The following BRI3 variants were observed in gnomAD, a reference collection of about 807,000 sequenced individuals.
BRI3 encodes the protein membrane protein BRI3.
Under a neutral mutation model 12.8 loss-of-function variants are expected in BRI3, and 6 were observed. The ratio of observed to expected loss-of-function variants is 0.47; its 90% CI spans 0.26 to 0.93. The LOEUF (loss-of-function observed/expected upper bound fraction) is 0.93. BRI3 is among the 40% of genes least tolerant of loss of function. The pLI is 0.15. For missense variants in BRI3, 134 were observed against 171.1 expected, an observed-to-expected ratio of 0.78 and a Z score of 1.21; for synonymous variants, 91 against 76.1, an observed-to-expected ratio of 1.20 and a Z score of -1.02.
chr7:98,285,353 CA>C (rs1799676491), intron 2 of BRI3, among the ~76,000 whole-genome samples: 1 of 152,130 alleles, frequency 6.6e-6, no homozygotes. Context: ...CTTGGGCTTC[CA>C]GACGATGGAG....
At chr7:98,319,265 C>T in the BRI3 span, among the ~76,000 whole-genome samples, 1 of 152,108 alleles carries the variant, frequency 6.6e-6, no homozygotes, top group African/African-American at 2.4e-5. Flanking sequence ...TCTGTAGGGC[C>T]ACCCTGAAGG....
chr7:98,322,571 G>A, the BRI3 span, among the ~76,000 whole-genome samples: 1 of 152,168 alleles, frequency 6.6e-6, no homozygotes, highest in South Asian at 2.1e-4. Flanking sequence ...TCCCTGCCCA[G>A]GAGAGAAGGC....
the BRI3 span, chr7:98,317,366 A>T: frequency 5.6e-5 from 90 of 1,612,876 alleles, no homozygotes; most frequent in Non-Finnish European, 7.5e-5. Context: ...CCTGTAAGTT[A>T]AATGGCTGTG....
chr7:98,319,932 T>A, the BRI3 span: 11 of 774,952 alleles, frequency 1.4e-5, no homozygotes, highest in South Asian at 1.9e-4. Flanking sequence ...TTCATGCATC[T>A]GGGCATCATC....
At chr7:98,307,802 G>A in exon 2 of BRI3, 1 of 1,614,214 alleles carries the variant, frequency 6.2e-7, no homozygotes, top group Non-Finnish European at 8.5e-7. Flanking sequence ...AGCCCGCAGT[G>A]TGCGGGAAGA....
chr7:98,303,593 G>T (rs1800513853), upstream of BRI3, among the ~76,000 whole-genome samples: 1 of 152,204 alleles, frequency 6.6e-6, no homozygotes, highest in Non-Finnish European at 1.5e-5. Flanking sequence ...GTCCGGCCTT[G>T]TTCTCCTCTA....
chr7:98,295,038 C>T (rs1219085810), downstream of BRI3, among the ~76,000 whole-genome samples: 4 of 152,216 alleles, frequency 2.6e-5, no homozygotes, highest in African/African-American at 4.8e-5. Context: ...CAGCCTGTGG[C>T]CCGGCCACAC....
At chr7:98,311,583 C>G (rs1800871430), downstream of BRI3, among the ~76,000 whole-genome samples, 1 of 150,826 alleles carries the variant, frequency 6.6e-6, no homozygotes, top group South Asian at 2.1e-4. Flanking sequence ...GATAAAATTT[C>G]CAAAACAAAG....
exon 2 of BRI3, chr7:98,310,250 T>C (rs1260461129): frequency 1.8e-6 from 1 of 548,766 alleles, no homozygotes; most frequent in Admixed American, 4.1e-5. Context: ...ATGTATCACT[T>C]ATCAGAGCGT....
the BRI3 span, among the ~76,000 whole-genome samples, chr7:98,322,593 CGTGTGAAGTCACCAAGACATG>C: frequency 2.0e-5 from 3 of 152,176 alleles, no homozygotes; most frequent in Non-Finnish European, 4.4e-5. Flanking sequence ...TGGGGCATGG[CGTGTGAAGTCACCAAGACATG>C]TTCACCAGGT....
chr7:98,286,108 T>TG (rs1799703711), intron 2 of BRI3, among the ~76,000 whole-genome samples: 3 of 152,138 alleles, frequency 2.0e-5, no homozygotes, highest in African/African-American at 7.2e-5. Flanking sequence ...TGCTCGTGAC[T>TG]GGGGAGCCCA....
chr7:98,304,394 C>T (rs748284062), upstream of BRI3: 53 of 1,613,122 alleles, frequency 3.3e-5, no homozygotes, highest in Middle Eastern at 4.9e-4. Flanking sequence ...CCAAAAAGGA[C>T]ACAGCACGTG....
the BRI3 span, among the ~76,000 whole-genome samples, chr7:98,320,738 G>A: frequency 1.3e-5 from 2 of 152,208 alleles, no homozygotes; most frequent in African/African-American, 4.8e-5. Context: ...AGACACATCA[G>A]GAGCACAACA....
chr7:98,288,733 C>T (rs982417729), intron 2 of BRI3, among the ~76,000 whole-genome samples: 2 of 151,898 alleles, frequency 1.3e-5, no homozygotes, highest in African/African-American at 4.8e-5. Flanking sequence ...GCTGAACAAT[C>T]CCCCTTTTCC....
At chr7:98,290,674 T>C (rs888062956) in intron 2 of BRI3, among the ~76,000 whole-genome samples, 1 of 151,910 alleles carries the variant, frequency 6.6e-6, no homozygotes, top group Non-Finnish European at 1.5e-5. Flanking sequence ...GATTTTTGTA[T>C]TGTTAGTAGA....
At chr7:98,321,967 G>A in the BRI3 span, among the ~76,000 whole-genome samples, 35 of 152,194 alleles carry the variant, frequency 2.3e-4, no homozygotes, top group South Asian at 6.8e-3. Context: ...ATGATGGCAC[G>A]TGCCTGTAAT....
chr7:98,307,758 T>C, exon 2 of BRI3: 1 of 1,614,182 alleles, frequency 6.2e-7, no homozygotes, highest in Non-Finnish European at 8.5e-7. Flanking sequence ...CGTGATGACA[T>C]CTCCCTGTGC....
chr7:98,313,792 C>G (rs1800967754), downstream of BRI3, among the ~76,000 whole-genome samples: 1 of 132,944 alleles, frequency 7.5e-6, no homozygotes, highest in Non-Finnish European at 1.6e-5. Flanking sequence ...CTAATTAAAA[C>G]TTTTTTTTTT....
chr7:98,281,876 G>T lies in BRI3; in HGVS notation c.81G>T (p.Pro27=). The part of the protein sequence containing the change: ...EAGQGDYACG[P]HGYGAIPAAP... The stretch of plus-strand genomic sequence containing the variant: ...GCCAGGGCGACTACGCGTGCGGCCC[G>T]CACGGCTACGGCGCCATCCCCGCCG... The change falls in exon 1 of 3, where the codon CCG becomes CCT. Residue 27 remains proline (P), a synonymous_variant. Coordinates refer to ENST00000297290, the MANE Select transcript of BRI3 (RefSeq NM_015379.5). 1 of 1,306,944 alleles carries T rather than the reference G, an allele frequency of 7.7e-7. No homozygotes were observed. The highest frequency in any genetic ancestry group is 9.7e-7 in the Non-Finnish European group (1 of 1,026,398). 81.0% of individuals were successfully genotyped at this position (1,306,944 alleles called of 1,614,324 possible). A position where few individuals can be genotyped will look rare whatever the true frequency, so the allele number is the denominator to read the frequency against.
Sources: allele counts gnomAD v4.1 joint callset (sites outside exome capture counted in the v4.1 genomes callset), GRCh38; gene constraint gnomAD v4.1.1; transcripts MANE v1.5; gene names NCBI Gene and HGNC (gene_info 2026-07-23, HGNC 2026-07-21).